Variants in PLCXD3 observed in about 807,000 individuals in gnomAD.
PLCXD3 encodes the protein PI-PLC X domain-containing protein 3.
In PLCXD3, 19 loss-of-function variants were observed where a neutral mutation model predicts 25.5. The observed-to-expected ratio is 0.75, with a 90% CI of 0.52 to 1.09. The LOEUF (loss-of-function observed/expected upper bound fraction) is 1.09. Ranked by LOEUF, PLCXD3 falls within the 50% of genes least tolerant of loss-of-function variation. The pLI is 0.00. For missense variants in PLCXD3, 411 were observed against 388.1 expected, an observed-to-expected ratio of 1.06 and a Z score of -0.50; for synonymous variants, 174 against 137.6, an observed-to-expected ratio of 1.26 and a Z score of -1.85.
At chr5:41,385,675 A>G (rs1337501945) in intron 1 of PLCXD3, among the ~76,000 whole-genome samples, 1 of 152,128 alleles carries the variant, frequency 6.6e-6, no homozygotes, top group Non-Finnish European at 1.5e-5. Context: ...CTTCTAATGA[A>G]TTACATAGGA....
intron 2 of PLCXD3, among the ~76,000 whole-genome samples, chr5:41,377,185 C>G (rs1745320849): frequency 6.6e-6 from 1 of 152,058 alleles, no homozygotes; most frequent in Non-Finnish European, 1.5e-5. Context: ...TTCTAAGGCT[C>G]AGTCCCTTTA....
In PLCXD3 at chr5:41,311,892, A is replaced by G. The variant is rs1404572869; in HGVS notation, c.*1725T>C. 1 of 152,582 alleles carries G rather than the reference A, an allele frequency of 6.6e-6. No homozygotes were observed. Among genetic ancestry groups the G allele is most frequent in the Non-Finnish European group, 1.5e-5 (1 of 68,020 alleles). The allele number at this position is 152,582 out of a possible 1,614,324, so 9.5% of individuals were successfully genotyped here. A position where few individuals can be genotyped will look rare whatever the true frequency, so the allele number is the denominator to read the frequency against. On this transcript the variant is annotated 3_prime_UTR_variant, in exon 3 of 3. Coordinates refer to ENST00000377801, the MANE Select transcript of PLCXD3 (RefSeq NM_001005473.3). ...TATGTGCTACATTTAAGTTCATTAAAAGCTGAGGGCATGCTTTTATTTCTC... is the reference window on the plus strand; with the variant it reads ...TATGTGCTACATTTAAGTTCATTAAGAGCTGAGGGCATGCTTTTATTTCTC...
intron 1 of PLCXD3, among the ~76,000 whole-genome samples, chr5:41,430,574 C>G (rs74879813): frequency 6.6e-6 from 1 of 152,074 alleles, no homozygotes; most frequent in East Asian, 1.9e-4. Flanking sequence ...TTTCGCTTGC[C>G]TCTCTACTTG....
chr5:41,421,118 T>C (rs1746809537), intron 1 of PLCXD3, among the ~76,000 whole-genome samples: 1 of 152,196 alleles, frequency 6.6e-6, no homozygotes, highest in Admixed American at 6.5e-5. Flanking sequence ...TGGAAAGATA[T>C]GCCTAATATA....
chr5:41,329,295 T>C (rs1382620874), intron 2 of PLCXD3, among the ~76,000 whole-genome samples: 1 of 152,320 alleles, frequency 6.6e-6, no homozygotes, highest in Non-Finnish European at 1.5e-5. Flanking sequence ...AGAATTGTAA[T>C]CGTATTTATG....
chr5:41,447,775 G>GT (rs998041200), intron 1 of PLCXD3, among the ~76,000 whole-genome samples: 1 of 152,218 alleles, frequency 6.6e-6, no homozygotes, highest in Non-Finnish European at 1.5e-5. Flanking sequence ...ATTTCTTCCT[G>GT]TATCTGCTTA....
intron 1 of PLCXD3, among the ~76,000 whole-genome samples, chr5:41,494,960 G>A (rs1171629132): frequency 6.6e-6 from 1 of 152,206 alleles, no homozygotes; most frequent in Non-Finnish European, 1.5e-5. Context: ...TAGGAGTAAT[G>A]TCAGCAAGAT....
At chr5:41,430,834 G>T (rs1747081567) in intron 1 of PLCXD3, among the ~76,000 whole-genome samples, 1 of 152,102 alleles carries the variant, frequency 6.6e-6, no homozygotes, top group African/African-American at 2.4e-5. Flanking sequence ...CAATTATAAA[G>T]AAAATAGAAA....
At chr5:41,427,600 A>G (rs1204446160) in intron 1 of PLCXD3, among the ~76,000 whole-genome samples, 1 of 152,170 alleles carries the variant, frequency 6.6e-6, no homozygotes, top group Non-Finnish European at 1.5e-5. Context: ...CAGACTTATC[A>G]GTCTGCTGCC....
At chr5:41,341,566 T>G (rs1228341348) in intron 2 of PLCXD3, among the ~76,000 whole-genome samples, 1 of 152,220 alleles carries the variant, frequency 6.6e-6, no homozygotes, top group Non-Finnish European at 1.5e-5. Context: ...GTTCCTCAGC[T>G]GAACTTTTCA....
chr5:41,505,397 T>C (rs1157408818), intron 1 of PLCXD3, among the ~76,000 whole-genome samples: 2 of 152,192 alleles, frequency 1.3e-5, no homozygotes, highest in Non-Finnish European at 2.9e-5. Flanking sequence ...TCATTTTCTA[T>C]TGAAAACCAA....
At chr5:41,485,585 T>A (rs1157912101) in intron 1 of PLCXD3, among the ~76,000 whole-genome samples, 1 of 152,088 alleles carries the variant, frequency 6.6e-6, no homozygotes, top group Non-Finnish European at 1.5e-5. Flanking sequence ...CCCAGCCCCC[T>A]CTCTAAAACA....
In PLCXD3 at chr5:41,437,720, A is replaced by T. The variant is rs544861512; in HGVS notation, c.104-55186T>A. Among the ~76,000 whole-genome samples, 5 of 152,300 alleles carry T rather than the reference A, an allele frequency of 3.3e-5. No homozygotes were observed. The South Asian group carries it at 1.0e-3, about 32-fold the overall frequency. On this transcript the variant is annotated intron_variant, in intron 1 of 2. Transcript: ENST00000377801. ...GATACCATGTCTGGTACGTACTGGC[A>T]AAAAGTTTGGACTTGATATTCAAGC...
intron 2 of PLCXD3, among the ~76,000 whole-genome samples, chr5:41,378,082 C>A (rs1355779445): frequency 6.6e-6 from 1 of 152,086 alleles, no homozygotes; most frequent in East Asian, 1.9e-4. Context: ...TCATAGGCTT[C>A]ATCACTTGGT....
rs570514614 is a variant in PLCXD3 at position 41,393,671 on chromosome 5, G to A, written c.104-11137C>T. Among the ~76,000 whole-genome samples the A allele has an allele frequency of 6.6e-5, 10 of 152,218 alleles. No individual in the cohort carries two copies. In the East Asian group the frequency reaches 1.9e-3, roughly 29 times the overall value. ...ACGGTGGCTCATGCCTGTAATCCCA[G>A]CACTTTGGGAGGCTGAGGTGGGTGG... is the stretch of plus-strand genomic sequence containing the variant. On this transcript the variant is annotated intron_variant, in intron 1 of 2. Transcript: ENST00000377801.
chr5:41,405,219 T>G (rs2150501204), intron 1 of PLCXD3, among the ~76,000 whole-genome samples: 1 of 152,218 alleles, frequency 6.6e-6, no homozygotes, highest in Non-Finnish European at 1.5e-5. Context: ...GTTTGAGGTC[T>G]TTTTCTAGGA....
intron 1 of PLCXD3, among the ~76,000 whole-genome samples, chr5:41,421,703 A>AAAAAC (rs1407407495): frequency 6.6e-6 from 1 of 152,202 alleles, no homozygotes; most frequent in Admixed American, 6.5e-5. Context: ...TCCTTCTCAA[A>AAAAAC]AAAACAAAAC....
intron 2 of PLCXD3, among the ~76,000 whole-genome samples, chr5:41,318,675 GAA>G (rs1235157898): frequency 1.3e-5 from 2 of 151,942 alleles, no homozygotes; most frequent in Non-Finnish European, 2.9e-5. Context: ...AGGAAGGAAA[GAA>G]AAAAGGAAGA....
chr5:41,454,826 A>G (rs1747717823), intron 1 of PLCXD3, among the ~76,000 whole-genome samples: 1 of 152,008 alleles, frequency 6.6e-6, no homozygotes, highest in South Asian at 2.1e-4. Flanking sequence ...TCATACTGCT[A>G]TGAAGACCTG....
Sources: gnomAD v4.1 joint callset for allele counts (sites outside exome capture counted in the v4.1 genomes callset) on GRCh38, gnomAD v4.1.1 for gene constraint, MANE v1.5 for transcripts, NCBI Gene and HGNC (gene_info 2026-07-23, HGNC 2026-07-21) for gene names.